Variants in GPC6 observed in about 807,000 individuals in gnomAD.
GPC6 encodes glypican-6.
Under a neutral mutation model 55.2 loss-of-function variants are expected in GPC6, and 14 were observed. That is an observed-to-expected ratio of 0.25 (90% CI 0.17 to 0.40). The LOEUF (loss-of-function observed/expected upper bound fraction) is 0.40, where lower values mean the gene tolerates loss of function less well. Ranked by LOEUF, GPC6 falls within the 10% of genes least tolerant of loss-of-function variation. The probability of loss-of-function intolerance (pLI) is 1.00; values close to 1 mark genes in which losing one functional copy is unlikely to be tolerated. For synonymous variants in GPC6, 278 were observed against 259.6 expected (o/e 1.07, Z -0.68); for missense variants, 641 against 708.5 (o/e 0.90, Z 1.08).
intron 3 of GPC6, among the ~76,000 whole-genome samples, chr13:93,978,468 A>G (rs571324492): frequency 1.4e-4 from 21 of 152,204 alleles, no homozygotes; most frequent in Non-Finnish European, 2.8e-4. Context: ...TTTAAAACAC[A>G]GTCTCCAAAT....
intron 3 of GPC6, among the ~76,000 whole-genome samples, chr13:93,985,695 A>AAG (rs1880998201): frequency 6.8e-6 from 1 of 147,040 alleles, no homozygotes; most frequent in South Asian, 2.1e-4. Flanking sequence ...TGGCCAAAAA[A>AAG]AAAAAAAAAA....
intron 6 of GPC6, among the ~76,000 whole-genome samples, chr13:94,372,579 G>A (rs1386539369): frequency 1.4e-3 from 208 of 152,200 alleles, no homozygotes; most frequent in African/African-American, 4.6e-3. Context: ...ACGGAGTCTC[G>A]CTGATTGCTA....
In GPC6 at chr13:94,405,247, A is replaced by T. The variant is rs147537976; in HGVS notation, c.*2030A>T. 2.0e-5 allele frequency: 3 copies of T among 152,288 alleles called. No individual in the cohort carries two copies. In the East Asian group the frequency reaches 5.8e-4, roughly 29 times the overall value. 9.4% of individuals were successfully genotyped at this position (152,288 alleles called of 1,614,324 possible). On this transcript the variant is annotated 3_prime_UTR_variant, in exon 9 of 9. Transcript: ENST00000377047. ...GCATTCTTTCATTTAAACCTTTATG[A>T]AATTAACCATCTAGTTCATCATTAC...
At chr13:93,389,426 C>A (rs528663872) in intron 1 of GPC6, among the ~76,000 whole-genome samples, 1 of 151,290 alleles carries the variant, frequency 6.6e-6, no homozygotes, top group South Asian at 2.1e-4. Context: ...ATGGCGTGAA[C>A]CCAAGAGGTG....
At chr13:94,110,695 T>C (rs1886214962) in intron 4 of GPC6, among the ~76,000 whole-genome samples, 1 of 152,114 alleles carries the variant, frequency 6.6e-6, no homozygotes, top group Non-Finnish European at 1.5e-5. Flanking sequence ...AAATAATTAA[T>C]GGAATTAGTT....
chr13:94,125,375 T>G (rs1000422204), intron 4 of GPC6, among the ~76,000 whole-genome samples: 1 of 152,108 alleles, frequency 6.6e-6, no homozygotes, highest in Non-Finnish European at 1.5e-5. Context: ...CGTCTTATGA[T>G]CCTATGAAAG....
intron 1 of GPC6, among the ~76,000 whole-genome samples, chr13:93,381,672 C>T (rs1875173804): frequency 6.6e-6 from 1 of 152,116 alleles, no homozygotes; most frequent in Non-Finnish European, 1.5e-5. Flanking sequence ...GCTCAATTTT[C>T]TAATTTCATA....
intron 1 of GPC6, among the ~76,000 whole-genome samples, chr13:93,248,437 G>GTTTT (rs74531292): frequency 7.3e-6 from 1 of 137,178 alleles, no homozygotes; most frequent in Non-Finnish European, 1.6e-5. Flanking sequence ...CACAAAAAGT[G>GTTTT]TTTTTTTTTT....
the GPC6 span, among the ~76,000 whole-genome samples, chr13:93,217,440 C>T: frequency 1.0e-2 from 1,518 of 152,286 alleles, 108 homozygotes; most frequent in Admixed American, 0.093. Flanking sequence ...GAATCATGAT[C>T]ACTATGTTTT....
At position 94,236,019 on chromosome 13, in the gene GPC6, A is replaced by T. The variant is rs1271080930; in HGVS notation, c.878-50330A>T. ...TCTGCCAAAGTGTTTACGTTAGCTC[A>T]ACTGTAGTAGCCCCTGGCTGCTTCT... On this transcript the variant is annotated intron_variant, in intron 4 of 8. Transcript: ENST00000377047. Among the ~76,000 whole-genome samples, 4 of 152,190 alleles carry T rather than the reference A, an allele frequency of 2.6e-5. No homozygotes were observed. In the South Asian group the frequency reaches 8.3e-4, roughly 32 times the overall value.
chr13:93,596,679 T>C (rs951071487), intron 2 of GPC6, among the ~76,000 whole-genome samples: 3 of 147,070 alleles, frequency 2.0e-5, no homozygotes, highest in Admixed American at 6.8e-5. Flanking sequence ...TATACACTTA[T>C]ATAAGTGTGT....
intron 2 of GPC6, among the ~76,000 whole-genome samples, chr13:93,574,691 C>T (rs866018822): frequency 6.6e-6 from 1 of 152,074 alleles, no homozygotes; most frequent in Non-Finnish European, 1.5e-5. Context: ...TTCCATTACC[C>T]CCCAAAAATC....
chr13:93,600,848 G>T (rs1877979264), intron 2 of GPC6, among the ~76,000 whole-genome samples: 1 of 151,046 alleles, frequency 6.6e-6, no homozygotes. Flanking sequence ...TACTCGGGAG[G>T]CTGAGGCAGG....
At chr13:93,464,508 T>C (rs531825014) in intron 1 of GPC6, among the ~76,000 whole-genome samples, 1 of 152,310 alleles carries the variant, frequency 6.6e-6, no homozygotes, top group South Asian at 2.1e-4. Flanking sequence ...GAAACTGACA[T>C]TTTTGCTCAC....
At chr13:93,531,160 A>G (rs1594240728) in intron 1 of GPC6, among the ~76,000 whole-genome samples, 2 of 152,174 alleles carry the variant, frequency 1.3e-5, no homozygotes, top group Admixed American at 1.3e-4. Context: ...AGAGGTTCCC[A>G]AGTATTCTGT....
chr13:94,301,108 A>G (rs1875624162), intron 5 of GPC6, among the ~76,000 whole-genome samples: 1 of 152,242 alleles, frequency 6.6e-6, no homozygotes, highest in South Asian at 2.1e-4. Flanking sequence ...CTCCCTGTCA[A>G]TGAGTCTGAC....
intron 3 of GPC6, among the ~76,000 whole-genome samples, chr13:93,870,466 T>C (rs1441735775): frequency 2.0e-5 from 3 of 151,926 alleles, no homozygotes; most frequent in East Asian, 1.9e-4. Context: ...GTTTTTATTA[T>C]AGAATAGTCC....
chr13:93,939,206 T>C (rs1258030136), intron 3 of GPC6, among the ~76,000 whole-genome samples: 1 of 151,572 alleles, frequency 6.6e-6, no homozygotes, highest in Non-Finnish European at 1.5e-5. Flanking sequence ...TCTATATGTA[T>C]TGGACATGCC....
At chr13:94,353,784 A>T (rs1878666160) in intron 6 of GPC6, among the ~76,000 whole-genome samples, 1 of 152,220 alleles carries the variant, frequency 6.6e-6, no homozygotes, top group Non-Finnish European at 1.5e-5. Context: ...TTATTAAATT[A>T]CGGAACTAAA....
Sources: gnomAD v4.1 joint callset for allele counts (sites outside exome capture counted in the v4.1 genomes callset) on GRCh38, gnomAD v4.1.1 for gene constraint, MANE v1.5 for transcripts, NCBI Gene and HGNC (gene_info 2026-07-23, HGNC 2026-07-21) for gene names.